The following COPG1 variants were observed in gnomAD, a reference collection of about 807,000 sequenced individuals.
The protein encoded by COPG1 is coat protein complex I subunit gamma 1.
In COPG1, 29 loss-of-function variants were observed where a neutral mutation model predicts 102.8. The ratio of observed to expected loss-of-function variants is 0.28; its 90% CI spans 0.21 to 0.38. The LOEUF (loss-of-function observed/expected upper bound fraction) is 0.38, where lower values mean the gene tolerates loss of function less well. COPG1 is among the 10% of genes least tolerant of loss of function. COPG1 has a pLI of 1.00. For synonymous variants in COPG1, 406 were observed against 421.6 expected (o/e 0.96, Z 0.45); for missense variants, 875 against 1,132.7 (o/e 0.77, Z 3.27).
intron 7 of COPG1, among the ~76,000 whole-genome samples, chr3:129,255,464 A>G (rs1012111368): frequency 4.4e-5 from 6 of 136,436 alleles, no homozygotes; most frequent in African/African-American, 1.7e-4. Flanking sequence ...GGCGTGAGCC[A>G]CTGTGCCTGG....
intron 21 of COPG1, chr3:129,274,050 T>G (rs1034852916): frequency 2.2e-6 from 1 of 456,000 alleles, no homozygotes; most frequent in African/African-American, 2.0e-5. Context: ...ACATTCGCCA[T>G]TGTGTCATCC....
At chr3:129,251,606 T>C (rs1375831384) in intron 2 of COPG1, among the ~76,000 whole-genome samples, 1 of 151,492 alleles carries the variant, frequency 6.6e-6, no homozygotes, top group Admixed American at 6.6e-5. Flanking sequence ...AGGAGAATGG[T>C]GTGAATCCTG....
intron 18 of COPG1, among the ~76,000 whole-genome samples, chr3:129,269,421 G>A (rs572412274): frequency 6.6e-6 from 1 of 152,302 alleles, no homozygotes; most frequent in African/African-American, 2.4e-5. Flanking sequence ...GTCCTCTGGT[G>A]TTGCATTTTT....
Position 129,260,334 on chromosome 3 carries a change from G to A in COPG1, c.873G>A (p.Val291=), listed in dbSNP as rs753386418. The A allele has an allele frequency of 1.2e-6, 2 of 1,613,940 alleles. No individual in the cohort carries two copies. Among genetic ancestry groups the A allele is most frequent in the African/African-American group, 2.7e-5 (2 of 74,926 alleles). The change falls in exon 11 of 24, where the codon GTG becomes GTA. Residue 291 remains valine (V), a splice_region_variant and synonymous_variant. Transcript: ENST00000314797. ...SAKELAPAVS[V]LQLFCSSPKA... is the part of the protein sequence containing the mutation. Reference sequence around the variant, plus strand: ...CATGTGGCATCCATCTCCCCACAGTGCTCCAGCTTTTCTGCAGCTCACCCA... The same window carrying A: ...CATGTGGCATCCATCTCCCCACAGTACTCCAGCTTTTCTGCAGCTCACCCA...
intron 2 of COPG1, 182 bp downstream of exon 2, chr3:129,250,916 T>C (rs1939681593): frequency 4.8e-5 from 12 of 252,042 alleles, no homozygotes; most frequent in African/African-American, 1.5e-4. Flanking sequence ...TTACTTCTTT[T>C]TTTTTTTTTT....
Position 129,275,178 on chromosome 3 carries a change from G to A in COPG1, c.2396-16G>A, listed in dbSNP as rs372927267. On this transcript the variant is annotated splice_polypyrimidine_tract_variant and intron_variant, in intron 22 of 23. Coordinates refer to ENST00000314797, the MANE Select transcript of COPG1 (RefSeq NM_016128.4). The surrounding 1 kb of genome is among the most constrained non-coding windows in gnomAD (Gnocchi z 5.0). ...CAGATAAGATGGCTTAACAATATTG[G>A]GATTTCTCATTACAGAGGCTGTGGG... The A allele has an allele frequency of 1.9e-6, 3 of 1,608,844 alleles. No individual in the cohort carries two copies. The highest frequency in any genetic ancestry group is 1.7e-5 in the Admixed American group (1 of 59,976).
chr3:129,274,466 C>G (rs1940231468), intron 21 of COPG1, among the ~76,000 whole-genome samples: 1 of 152,134 alleles, frequency 6.6e-6, no homozygotes. Context: ...AGCTCATCAT[C>G]CCCTAGGAGG....
intron 14 of COPG1, among the ~76,000 whole-genome samples, chr3:129,266,308 T>A (rs1160757005): frequency 6.6e-6 from 1 of 152,022 alleles, no homozygotes; most frequent in African/African-American, 2.4e-5. Context: ...AGTATTTTTT[T>A]AATTGAGACG....
At chr3:129,262,520 T>C (rs1043094960) in intron 12 of COPG1, among the ~76,000 whole-genome samples, 4 of 152,088 alleles carry the variant, frequency 2.6e-5, no homozygotes, top group Admixed American at 1.3e-4. Context: ...CCCAAAGTGC[T>C]GGGATTACAG....
At chr3:129,272,440 C>T in intron 20 of COPG1, 25 bp downstream of exon 20, 1 of 1,598,760 alleles carries the variant, frequency 6.3e-7, no homozygotes, top group African/African-American at 1.3e-5. Flanking sequence ...AGATACCACC[C>T]TATCCTCCTG....
chr3:129,277,379 T>A lies in COPG1; in HGVS notation c.2580T>A (p.Ser860Arg), dbSNP rs201572188. The change falls in exon 24 of 24, where the codon AGT becomes AGA. Residue 860 changes from serine (S) to arginine (R), a missense_variant. By Grantham distance (110) the Ser-to-Arg change is moderately radical (BLOSUM62 -1). Coordinates refer to ENST00000314797, the MANE Select transcript of COPG1 (RefSeq NM_016128.4). ...DTVTMQVTAR[S>R]LEELPVDIIL... ...TGACAATGCAGGTGACAGCCAGAAG[T>A]TTGGAGGAGCTGCCAGTAGACATCA... 6.2e-7 allele frequency: 1 copy of A among 1,613,954 alleles called. No homozygotes were observed. Among genetic ancestry groups the A allele is most frequent in the African/African-American group, 1.3e-5 (1 of 74,976 alleles).
rs543887493 is a variant in COPG1 at position 129,270,187 on chromosome 3, C to T, written c.1843+1187C>T. On this transcript the variant is annotated intron_variant, in intron 18 of 23. Coordinates refer to ENST00000314797, the MANE Select transcript of COPG1 (RefSeq NM_016128.4). ...CATCTACAAAGTCCCTTTTACCATG[C>T]AAGGTAACATAGCTGCAGGTTCTGG... Among the ~76,000 whole-genome samples, 11 of 151,880 alleles carry T rather than the reference C, an allele frequency of 7.2e-5. No homozygotes were observed. The South Asian group carries it at 2.3e-3, about 32-fold the overall frequency.
chr3:129,264,349 T>G (rs372220667), intron 13 of COPG1, among the ~76,000 whole-genome samples: 37 of 152,360 alleles, frequency 2.4e-4, no homozygotes, highest in African/African-American at 8.4e-4. Flanking sequence ...AAACCGGTGC[T>G]AATAATACGA....
chr3:129,274,915 G>A lies in COPG1; in HGVS notation c.2334G>A (p.Glu778=). 3 of 1,614,174 alleles carry A rather than the reference G, an allele frequency of 1.9e-6. No individual in the cohort carries two copies. The highest frequency in any genetic ancestry group is 2.5e-6 in the Non-Finnish European group (3 of 1,180,012). The change falls in exon 22 of 24, where the codon GAG becomes GAA. Residue 778 remains glutamate, a synonymous_variant. Transcript: ENST00000314797. ...TGAACTTCGAAGCAGCCTGGGATGA[G>A]GTAGGGGATGAATTTGAGAAGGAGG... is the stretch of plus-strand genomic sequence containing the variant. ...MKLNFEAAWD[E]VGDEFEKEET... is the part of the protein sequence containing the mutation.
rs769446115 is a variant in COPG1 at position 129,268,970 on chromosome 3, G to A, written c.1813G>A (p.Val605Met). The change falls in exon 18 of 24, where the codon GTG becomes ATG. Residue 605 changes from valine to methionine, a missense_variant. Val to Met is a conservative substitution (Grantham distance 21). Transcript: ENST00000314797. The part of the protein sequence containing the change: ...PITAVKQPEK[V>M]AATRQEIFQE... ...CACAGCAGTCAAACAGCCTGAGAAA[G>A]TGGCAGCTACCAGGCAGGAGATCTT... The A allele has an allele frequency of 6.2e-7, 1 of 1,614,180 alleles. No individual in the cohort carries two copies. Among genetic ancestry groups the A allele is most frequent in the Non-Finnish European group, 8.5e-7 (1 of 1,180,026 alleles).
rs751992693 is a variant in COPG1, at chr3:129,268,576, A to C, written c.1730A>C (p.Lys577Thr). The change falls in exon 17 of 24, where the codon AAG becomes ACG. Residue 577 changes from lysine to threonine, a missense_variant. Physicochemically the swap from Lys to Thr is moderately conservative, Grantham distance 78. Coordinates refer to ENST00000314797, the MANE Select transcript of COPG1 (RefSeq NM_016128.4). ...LEPSEKPFDL[K>T]SVPLATAPMA... is the part of the protein sequence containing the mutation. ...CCATCAGAAAAACCTTTTGACCTCA[A>C]GTCTGTGCCCCTGGCCACGGCGCCC... 7.4e-6 allele frequency: 12 copies of C among 1,614,216 alleles called. No homozygotes were observed. In the South Asian group the frequency reaches 1.3e-4, roughly 18 times the overall value.
intron 20 of COPG1, 130 bp downstream of exon 20, chr3:129,272,545 G>A: frequency 2.5e-6 from 2 of 788,926 alleles, no homozygotes; most frequent in Non-Finnish European, 2.0e-6. Flanking sequence ...CCAAGAAGAA[G>A]AATAGCTGAG....
rs1940239775 is a variant in COPG1, at chr3:129,275,034, A to G, written c.2395+58A>G. 3.8e-6 allele frequency: 6 copies of G among 1,586,646 alleles called. No homozygotes were observed. Among genetic ancestry groups the G allele is most frequent in the Non-Finnish European group, 4.3e-6 (5 of 1,156,980 alleles). On this transcript the variant is annotated intron_variant, in intron 22 of 23. Coordinates refer to ENST00000314797, the MANE Select transcript of COPG1 (RefSeq NM_016128.4). This position sits in a 1 kb window ranked among gnomAD's most constrained non-coding sequence, Gnocchi z 5.0. Reference sequence around the variant, plus strand: ...TTACTGTTCAAGATCTTTGGCTACTATTGAAGTGCTCATCCCTTTTCTCTC... The same window carrying G: ...TTACTGTTCAAGATCTTTGGCTACTGTTGAAGTGCTCATCCCTTTTCTCTC...
intron 18 of COPG1, among the ~76,000 whole-genome samples, chr3:129,270,649 AG>A (rs1398477071): frequency 6.6e-6 from 1 of 152,206 alleles, no homozygotes; most frequent in Admixed American, 6.5e-5. Context: ...CAGGCTGCAG[AG>A]GGCTGAAGTG....
Sources: allele counts gnomAD v4.1 joint callset (sites outside exome capture counted in the v4.1 genomes callset), GRCh38; gene constraint gnomAD v4.1.1; non-coding constraint Gnocchi (gnomAD v3.1); transcripts MANE v1.5; gene names NCBI Gene and HGNC (gene_info 2026-07-23, HGNC 2026-07-21).